WWOX: variants seen among roughly 807,000 people sequenced by gnomAD.
WWOX encodes the protein WW domain-containing oxidoreductase.
WWOX carries 69 observed loss-of-function variants against 46.2 expected under a neutral mutation model. The ratio of observed to expected loss-of-function variants is 1.49; its 90% CI spans 1.23 to 1.82. The LOEUF is 1.82. Ranked by LOEUF, WWOX falls within the 40% of genes most tolerant of loss-of-function variation. WWOX has a pLI of 0.00. For missense variants in WWOX, 919 were observed against 542.6 expected, an observed-to-expected ratio of 1.69 and a Z score of -6.89; for synonymous variants, 359 against 202.6, an observed-to-expected ratio of 1.77 and a Z score of -6.56.
At chr16:78,942,773 A>G (rs2045877172) in intron 8 of WWOX, among the ~76,000 whole-genome samples, 1 of 152,202 alleles carries the variant, frequency 6.6e-6, no homozygotes, top group African/African-American at 2.4e-5. Flanking sequence ...GGCAAACATG[A>G]GCAAGAAATT....
At chr16:78,364,988 CAT>C (rs2081501557) in intron 5 of WWOX, among the ~76,000 whole-genome samples, 1 of 152,148 alleles carries the variant, frequency 6.6e-6, no homozygotes, top group African/African-American at 2.4e-5. Flanking sequence ...CAGCTGAAGT[CAT>C]AGTATTTTCT....
chr16:78,311,927 C>A (rs564925770), intron 5 of WWOX, among the ~76,000 whole-genome samples: 283 of 152,276 alleles, frequency 1.9e-3, no homozygotes, highest in Non-Finnish European at 3.5e-3. Flanking sequence ...ATCCAGGTGT[C>A]TTCAGAGCTG....
intron 4 of WWOX, among the ~76,000 whole-genome samples, chr16:78,142,585 T>C (rs192141554): frequency 5.9e-5 from 9 of 152,326 alleles, no homozygotes; most frequent in Admixed American, 1.3e-4. Flanking sequence ...AAGTGTTGTA[T>C]TTAGGAAGAA....
chr16:78,356,635 C>T (rs1227229089), intron 5 of WWOX, among the ~76,000 whole-genome samples: 2 of 152,202 alleles, frequency 1.3e-5, no homozygotes, highest in Non-Finnish European at 2.9e-5. Flanking sequence ...GTAATCCAAG[C>T]ACTTTGGGAG....
At chr16:78,941,552 A>C (rs1016929033) in intron 8 of WWOX, among the ~76,000 whole-genome samples, 1 of 151,844 alleles carries the variant, frequency 6.6e-6, no homozygotes, top group Non-Finnish European at 1.5e-5. Flanking sequence ...GGGGGGATAG[A>C]GTTATGAAAT....
At chr16:78,498,223 A>AGAAAG (rs2084967965) in intron 8 of WWOX, among the ~76,000 whole-genome samples, 1 of 103,276 alleles carries the variant, frequency 9.7e-6, no homozygotes, top group Non-Finnish European at 2.4e-5. Flanking sequence ...AAAAAAGAAA[A>AGAAAG]AAAAGCATCA....
chr16:79,133,240 C>G (rs2049917037), intron 8 of WWOX, among the ~76,000 whole-genome samples: 1 of 152,194 alleles, frequency 6.6e-6, no homozygotes, highest in Non-Finnish European at 1.5e-5. Flanking sequence ...CATGGTTCCT[C>G]CTGCCCTTCA....
chr16:79,081,267 G>A (rs2048755435), intron 8 of WWOX, among the ~76,000 whole-genome samples: 1 of 152,164 alleles, frequency 6.6e-6, no homozygotes, highest in African/African-American at 2.4e-5. Flanking sequence ...GTGTTCAAGT[G>A]ATTCTCCTGT....
intron 5 of WWOX, among the ~76,000 whole-genome samples, chr16:78,337,116 A>G (rs2080909898): frequency 6.6e-6 from 1 of 152,144 alleles, no homozygotes; most frequent in South Asian, 2.1e-4. Context: ...CTGGTAACTC[A>G]TAAATTTTTA....
intron 8 of WWOX, among the ~76,000 whole-genome samples, chr16:78,915,698 T>TA (rs1555566769): frequency 0.36 from 54,937 of 150,906 alleles, 10,163 homozygotes; most frequent in Admixed American, 0.47. Flanking sequence ...CAAAGCCATT[T>TA]AAAAAAAAAA....
chr16:78,387,242 A>T (rs2082078311), intron 6 of WWOX, among the ~76,000 whole-genome samples: 1 of 152,204 alleles, frequency 6.6e-6, no homozygotes, highest in Admixed American at 6.5e-5. Flanking sequence ...ATGCATCCTG[A>T]TTATAAGATT....
intron 8 of WWOX, among the ~76,000 whole-genome samples, chr16:79,102,809 A>T (rs1486288513): frequency 6.6e-6 from 1 of 152,228 alleles, no homozygotes; most frequent in African/African-American, 2.4e-5. Flanking sequence ...CTCCTGCCAA[A>T]GGCAGAACTT....
chr16:78,474,053 AAATG>A (rs1278288919), intron 8 of WWOX, among the ~76,000 whole-genome samples: 34 of 152,324 alleles, frequency 2.2e-4, no homozygotes, highest in African/African-American at 8.2e-4. Flanking sequence ...GAATAAAAGA[AAATG>A]AAGTGACATT....
chr16:78,465,869 A>T (rs772554676), intron 8 of WWOX, among the ~76,000 whole-genome samples: 1 of 152,204 alleles, frequency 6.6e-6, no homozygotes, highest in Non-Finnish European at 1.5e-5. Flanking sequence ...AAATTAAAAG[A>T]GACTAACACA....
At chr16:78,777,534 A>C (rs1252325763) in intron 8 of WWOX, among the ~76,000 whole-genome samples, 1 of 152,190 alleles carries the variant, frequency 6.6e-6, no homozygotes, top group African/African-American at 2.4e-5. Context: ...CCCTGGTCCT[A>C]CTGAGTGGTC....
intron 8 of WWOX, among the ~76,000 whole-genome samples, chr16:79,143,836 T>C (rs1436971429): frequency 6.6e-6 from 1 of 152,148 alleles, no homozygotes; most frequent in East Asian, 1.9e-4. Context: ...CCAGTCTCGA[T>C]CTGCTGATAT....
At position 78,637,168 on chromosome 16, in the gene WWOX, T is replaced by C. The variant is rs543583808; in HGVS notation, c.1056+204416T>C. ...TGTTGAGAAATATTCCTGTCTGTAA[T>C]CCCGGCACTTTGGGAGGCTGAAGCG... On this transcript the variant is annotated intron_variant, in intron 8 of 8. Transcript: ENST00000566780. Among the ~76,000 whole-genome samples the C allele has an allele frequency of 2.6e-5, 4 of 152,238 alleles. No homozygotes were observed. The South Asian group carries it at 8.3e-4, about 32-fold the overall frequency.
intron 8 of WWOX, among the ~76,000 whole-genome samples, chr16:78,559,799 G>A (rs1157317232): frequency 6.6e-6 from 1 of 152,152 alleles, no homozygotes; most frequent in Non-Finnish European, 1.5e-5. Context: ...ACAATTCTCA[G>A]CCCATTCATC....
At chr16:78,180,460 C>G (rs1401488318) in intron 5 of WWOX, among the ~76,000 whole-genome samples, 1 of 151,892 alleles carries the variant, frequency 6.6e-6, no homozygotes, top group Non-Finnish European at 1.5e-5. Flanking sequence ...AGTGCGTAAA[C>G]CCAGCTGCAC....
Sources: gnomAD v4.1 joint callset for allele counts (sites outside exome capture counted in the v4.1 genomes callset) on GRCh38, gnomAD v4.1.1 for gene constraint, MANE v1.5 for transcripts, NCBI Gene and HGNC (gene_info 2026-07-23, HGNC 2026-07-21) for gene names.